Variants in RXFP2 observed in about 807,000 individuals in gnomAD.
RXFP2 encodes the protein relaxin family peptide receptor 2.
Under a neutral mutation model 88.6 loss-of-function variants are expected in RXFP2, and 68 were observed. That is an observed-to-expected ratio of 0.77 (90% CI 0.63 to 0.94). The LOEUF is 0.94. Ranked by LOEUF, RXFP2 falls within the 40% of genes least tolerant of loss-of-function variation. The probability of loss-of-function intolerance (pLI) is 0.00; values close to 1 mark genes in which losing one functional copy is unlikely to be tolerated. For synonymous variants in RXFP2, 329 were observed against 306.8 expected (o/e 1.07, Z -0.76); for missense variants, 791 against 893.9 (o/e 0.88, Z 1.47).
intron 1 of RXFP2, among the ~76,000 whole-genome samples, chr13:31,746,990 G>A (rs1329087471): frequency 6.6e-6 from 1 of 152,106 alleles, no homozygotes; most frequent in African/African-American, 2.4e-5. Flanking sequence ...GAGTGTTACA[G>A]GAAAACTCTG....
intron 4 of RXFP2, 27 bp from the exon 5 acceptor site, chr13:31,765,929 T>C: frequency 3.4e-6 from 4 of 1,170,774 alleles, no homozygotes; most frequent in Non-Finnish European, 5.1e-6. Context: ...CAATCCATAA[T>C]GAAGTTTGCT....
intron 5 of RXFP2, among the ~76,000 whole-genome samples, chr13:31,771,322 C>T (rs1330068207): frequency 1.3e-5 from 2 of 152,200 alleles, no homozygotes; most frequent in Non-Finnish European, 2.9e-5. Flanking sequence ...AGCGAGCAAG[C>T]AAAGCTGAGC....
chr13:31,778,588 G>A lies in RXFP2; in HGVS notation c.785+5G>A. The stretch of plus-strand genomic sequence containing the variant: ...AATGCCTCAACTCAACTGGGTGTGA[G>A]TATTTATTTAGGAATTAATTTGTTA... On this transcript the variant is annotated splice_donor_5th_base_variant and intron_variant, in intron 9 of 17. Transcript: ENST00000298386. The A allele has an allele frequency of 6.3e-7, 1 of 1,594,312 alleles. No individual in the cohort carries two copies. The highest frequency in any genetic ancestry group is 8.6e-7 in the Non-Finnish European group (1 of 1,162,252).
intron 11 of RXFP2, among the ~76,000 whole-genome samples, chr13:31,784,444 T>G (rs1873430494): frequency 6.6e-6 from 1 of 152,202 alleles, no homozygotes; most frequent in Non-Finnish European, 1.5e-5. Context: ...TAAGCACAAG[T>G]ACTTGAGACC....
intron 2 of RXFP2, among the ~76,000 whole-genome samples, chr13:31,760,712 T>C (rs1872266132): frequency 6.6e-6 from 1 of 152,220 alleles, no homozygotes; most frequent in Non-Finnish European, 1.5e-5. Flanking sequence ...CAAAGCAGAC[T>C]GTGGGCAATT....
chr13:31,767,073 A>C (rs1413443003), intron 5 of RXFP2, among the ~76,000 whole-genome samples: 1 of 152,218 alleles, frequency 6.6e-6, no homozygotes, highest in Admixed American at 6.5e-5. Context: ...GAAATGTGAA[A>C]TTTATGAAAA....
At chr13:31,775,222 A>AT (rs1872892534) in intron 6 of RXFP2, 96 bp from the exon 7 acceptor site, 1 of 990,660 alleles carries the variant, frequency 1.0e-6, no homozygotes, top group African/African-American at 1.6e-5. Context: ...GCAGATGTCC[A>AT]TATCCATAAT....
chr13:31,761,851 T>G (rs762964942), intron 3 of RXFP2, 50 bp downstream of exon 3: 5 of 1,235,786 alleles, frequency 4.0e-6, no homozygotes, highest in Non-Finnish European at 4.8e-6. Flanking sequence ...AAAACATGAT[T>G]TGTGATGCAC....
intron 6 of RXFP2, among the ~76,000 whole-genome samples, chr13:31,775,002 T>C (rs1872881668): frequency 6.6e-6 from 1 of 152,190 alleles, no homozygotes; most frequent in Admixed American, 6.5e-5. Context: ...CTACTAAGGA[T>C]GTCACCAAAA....
At chr13:31,794,721 G>A (rs941388750) in intron 16 of RXFP2, among the ~76,000 whole-genome samples, 2 of 152,102 alleles carry the variant, frequency 1.3e-5, no homozygotes, top group African/African-American at 4.8e-5. Context: ...GGGTGGGGTG[G>A]GGTCTGTGTT....
rs111430828 is a variant in RXFP2, at chr13:31,756,059, T to C, written c.95-2199T>C. Among the ~76,000 whole-genome samples, 27 of 152,052 alleles carry C rather than the reference T, an allele frequency of 1.8e-4. 1 individual carries two copies. The highest frequency in any genetic ancestry group is 5.3e-4 in the African/African-American group (22 of 41,480). ...GTCATCAGGACTAAATGACTCAAGC[T>C]GAAATGATCTACTCATCCTAAAAGC... On this transcript the variant is annotated intron_variant, in intron 1 of 17. Transcript: ENST00000298386.
In RXFP2 at chr13:31,759,443, A is replaced by AAGAAAGAAAGAAAGAT. The variant is rs1452508897; in HGVS notation, c.241+1042_241+1043insAAGAAAGAAAGATAGA. Among the ~76,000 whole-genome samples, 45 of 151,266 alleles carry AAGAAAGAAAGAAAGAT rather than the reference A, an allele frequency of 3.0e-4. 1 individual carries two copies. Among genetic ancestry groups the AAGAAAGAAAGAAAGAT allele is most frequent in the African/African-American group, 8.8e-4 (36 of 41,112 alleles). ...AAAGAAAGAAAGAAAGAAAGAAAGAAAGATACTGTGAAATATTCTGGAGGG... is the reference window on the plus strand; with the variant it reads ...AAAGAAAGAAAGAAAGAAAGAAAGAAAGAAAGAAAGAAAGATAGATACTGTGAAATATTCTGGAGGG... On this transcript the variant is annotated intron_variant, in intron 2 of 17. Transcript: ENST00000298386.
At chr13:31,790,831 G>A (rs1449708127) in intron 14 of RXFP2, among the ~76,000 whole-genome samples, 4 of 152,090 alleles carry the variant, frequency 2.6e-5, no homozygotes, top group Admixed American at 2.6e-4. Flanking sequence ...AGTATCCAGG[G>A]GAAGAATCTT....
chr13:31,743,087 T>C (rs1467072229), intron 1 of RXFP2, among the ~76,000 whole-genome samples: 2 of 152,228 alleles, frequency 1.3e-5, no homozygotes, highest in African/African-American at 2.4e-5. Flanking sequence ...AAGGTCAATG[T>C]TGTTATCAGA....
In RXFP2 at chr13:31,792,773, G is replaced by A. The variant is rs371734308; in HGVS notation, c.1471G>A (p.Glu491Lys). The change falls in exon 16 of 18, where the codon GAG becomes AAG. Residue 491 changes from glutamate (E) to lysine (K), a missense_variant. Physicochemically the swap from Glu to Lys is moderately conservative, Grantham distance 56. Transcript: ENST00000298386. ...QYQKYALLWM[E>K]SVQCRLMGFL... ...TCAGAAGTATGCCTTGCTGTGGATG[G>A]AGAGCGTGCAGTGCCGCCTCATGGG... The A allele has an allele frequency of 6.2e-7, 1 of 1,614,008 alleles. No homozygotes were observed. Among genetic ancestry groups the A allele is most frequent in the African/African-American group, 1.3e-5 (1 of 74,902 alleles).
chr13:31,796,706 T>G (rs909896654), intron 16 of RXFP2, among the ~76,000 whole-genome samples: 2 of 152,226 alleles, frequency 1.3e-5, no homozygotes, highest in African/African-American at 4.8e-5. Flanking sequence ...GAACCTGGGT[T>G]TTACCTAACA....
At chr13:31,797,144 G>A (rs1232438297) in intron 16 of RXFP2, 57 bp from the exon 17 acceptor site, 3 of 1,228,144 alleles carry the variant, frequency 2.4e-6, no homozygotes, top group Non-Finnish European at 3.6e-6. Flanking sequence ...CTGTACCACA[G>A]TAATTTTACT....
At chr13:31,793,431 C>T (rs1286622844) in intron 16 of RXFP2, among the ~76,000 whole-genome samples, 2 of 144,570 alleles carry the variant, frequency 1.4e-5, no homozygotes, top group Non-Finnish European at 1.5e-5. Flanking sequence ...TATTTAAACT[C>T]TTTTTTTTTT....
intron 11 of RXFP2, among the ~76,000 whole-genome samples, chr13:31,785,911 T>G (rs1370686582): frequency 6.6e-6 from 1 of 152,226 alleles, no homozygotes; most frequent in Non-Finnish European, 1.5e-5. Context: ...CGTGTGAACT[T>G]ATTCAAGATT....
Sources: allele counts gnomAD v4.1 joint callset (sites outside exome capture counted in the v4.1 genomes callset), GRCh38; gene constraint gnomAD v4.1.1; transcripts MANE v1.5; gene names NCBI Gene and HGNC (gene_info 2026-07-23, HGNC 2026-07-21).